Variants in FKBP15 observed in about 807,000 individuals in gnomAD.
FKBP15 encodes FKBP prolyl isomerase family member 15, also known as FK506-binding protein 15.
A neutral mutation model predicts 158.1 loss-of-function variants in FKBP15; 106 were observed. The observed-to-expected ratio is 0.67, with a 90% CI of 0.57 to 0.79. The LOEUF (loss-of-function observed/expected upper bound fraction) is 0.79, where lower values mean the gene tolerates loss of function less well. FKBP15 is among the 30% of genes least tolerant of loss of function. FKBP15 has a pLI of 0.00. For synonymous variants in FKBP15, 547 were observed against 548.6 expected, an observed-to-expected ratio of 1.00 and a Z score of 0.04; for missense variants, 1,287 against 1,479.1, an observed-to-expected ratio of 0.87 and a Z score of 2.13.
At chr9:113,206,657 AGTGGG>A in intron 3 of FKBP15, 79 bp from the exon 4 acceptor site, 2 of 771,352 alleles carry the variant, frequency 2.6e-6, no homozygotes, top group Non-Finnish European at 3.9e-6. Flanking sequence ...GTCATACAGA[AGTGGG>A]AACAACAGTC....
At chr9:113,214,882 A>G (rs1277390402) in intron 1 of FKBP15, among the ~76,000 whole-genome samples, 1 of 152,226 alleles carries the variant, frequency 6.6e-6, no homozygotes, top group Non-Finnish European at 1.5e-5. Context: ...TGCTATGAAG[A>G]CGGCTTCTTT....
chr9:113,182,939 C>A, intron 18 of FKBP15, 71 bp from the exon 19 acceptor site: 1 of 1,216,028 alleles, frequency 8.2e-7, no homozygotes, highest in African/African-American at 1.5e-5. Flanking sequence ...ACCCAATGCC[C>A]ATTCTGTCCT....
chr9:113,164,235 C>T lies in FKBP15; in HGVS notation c.*1843G>A, dbSNP rs1330228619. On this transcript the variant is annotated 3_prime_UTR_variant, in exon 28 of 28. Transcript: ENST00000238256. ...TGGGGCTAATAGAACTGGTAGTACT[C>T]TTTATAAGCCTGTCTGAGGACAGAG... is the stretch of plus-strand genomic sequence containing the variant. The T allele has an allele frequency of 2.0e-5, 3 of 152,126 alleles. No individual in the cohort carries two copies. The highest frequency in any genetic ancestry group is 4.4e-5 in the Non-Finnish European group (3 of 68,016). The allele number at this position is 152,126 out of a possible 1,614,324, so 9.4% of individuals were successfully genotyped here.
intron 23 of FKBP15, among the ~76,000 whole-genome samples, chr9:113,172,878 C>T (rs2118867568): frequency 6.6e-6 from 1 of 152,216 alleles, no homozygotes; most frequent in South Asian, 2.1e-4. Flanking sequence ...TAAGCCATGT[C>T]CCATCTCTCT....
rs1830055871 is a variant in FKBP15, at chr9:113,163,808, G to C, written c.*2270C>G. 6.6e-6 allele frequency: 1 copy of C among 152,536 alleles called. No individual in the cohort carries two copies. Among genetic ancestry groups the C allele is most frequent in the African/African-American group, 2.4e-5 (1 of 41,406 alleles). 9.4% of individuals were successfully genotyped at this position (152,536 alleles called of 1,614,324 possible). ...TTTCTTCTATGCAGAACAAAAAGCT[G>C]CATCTAATAATGTTCAATACTTAAT... On this transcript the variant is annotated 3_prime_UTR_variant, in exon 28 of 28. Coordinates refer to ENST00000238256, the MANE Select transcript of FKBP15 (RefSeq NM_015258.2).
In FKBP15 at chr9:113,162,014, C is replaced by T; in HGVS notation, c.*4064G>A. The T allele has an allele frequency of 4.5e-6, 2 of 439,824 alleles. No homozygotes were observed. The highest frequency in any genetic ancestry group is 4.1e-5 in the South Asian group (2 of 49,170). The allele number at this position is 439,824 out of a possible 1,614,324, so 27.2% of individuals were successfully genotyped here. A position where few individuals can be genotyped will look rare whatever the true frequency, so the allele number is the denominator to read the frequency against. On this transcript the variant is annotated 3_prime_UTR_variant, in exon 28 of 28. Transcript: ENST00000238256. ...ACCCTCCCCCAAATCTCACCAGTTC[C>T]ATGGGTCACTAGGCTCCCATATCCA...
intron 9 of FKBP15, among the ~76,000 whole-genome samples, chr9:113,194,807 G>A (rs940966641): frequency 1.8e-4 from 28 of 152,240 alleles, no homozygotes; most frequent in South Asian, 1.2e-3. Context: ...TCACTGTTAT[G>A]ATCTATAGGA....
intron 27 of FKBP15, among the ~76,000 whole-genome samples, chr9:113,166,392 C>T (rs140041052): frequency 6.6e-6 from 1 of 152,204 alleles, no homozygotes; most frequent in Non-Finnish European, 1.5e-5. Flanking sequence ...TTTGGCTAAT[C>T]TCATCATTTA....
In FKBP15 at chr9:113,184,184, G is replaced by A. The variant is rs140819689; in HGVS notation, c.1716+108C>T. Reference sequence around the variant, plus strand: ...CTAGAATTGTCTAACCCAGTGTAGCGTTTATCACAGGCTATTTCTGGGGTG... The same window carrying A: ...CTAGAATTGTCTAACCCAGTGTAGCATTTATCACAGGCTATTTCTGGGGTG... On this transcript the variant is annotated intron_variant, in intron 17 of 27. Transcript: ENST00000238256. The surrounding 1 kb of genome is among the most constrained non-coding windows in gnomAD (Gnocchi z 4.5). 5.8e-5 allele frequency: 43 copies of A among 739,356 alleles called. No individual in the cohort carries two copies. Among genetic ancestry groups the A allele is most frequent in the East Asian group, 3.0e-4 (11 of 36,974 alleles). 45.8% of individuals were successfully genotyped at this position (739,356 alleles called of 1,614,324 possible). A position where few individuals can be genotyped will look rare whatever the true frequency, so the allele number is the denominator to read the frequency against.
intron 4 of FKBP15, among the ~76,000 whole-genome samples, chr9:113,203,435 C>T (rs1830830649): frequency 6.6e-6 from 1 of 152,162 alleles, no homozygotes; most frequent in Non-Finnish European, 1.5e-5. Flanking sequence ...AGAGCATTTC[C>T]CACACCACAG....
intron 11 of FKBP15, 43 bp from the exon 12 acceptor site, chr9:113,190,621 T>C (rs1830558802): frequency 7.0e-7 from 1 of 1,435,668 alleles, no homozygotes; most frequent in Non-Finnish European, 9.7e-7. Flanking sequence ...TGATTAAAGC[T>C]CATCACCTTC....
At chr9:113,200,736 G>T (rs4490910) in intron 6 of FKBP15, among the ~76,000 whole-genome samples, 34,799 of 151,926 alleles carry the variant, frequency 0.23, 4,725 homozygotes, top group African/African-American at 0.36. Context: ...AGGAACTTGC[G>T]GCTCATTTTC....
chr9:113,169,593 C>T lies in FKBP15; in HGVS notation c.3116G>A (p.Gly1039Glu). ...LSCIPSHRVLGPPTSIPPEPL... is the reference protein window; with the variant it reads ...LSCIPSHRVLEPPTSIPPEPL... ...CTCAGGTGGAATTGAAGTCGGGGGC[C>T]CTAGAACTCTGTGGGATGGGATGCA... Residue 1039 changes from glycine to glutamate, a missense_variant, in exon 26 of 28, where the codon GGG (glycine) becomes GAG (glutamate). Physicochemically the swap from Gly to Glu is moderately conservative, Grantham distance 98. Transcript: ENST00000238256. 6.2e-7 allele frequency: 1 copy of T among 1,614,004 alleles called. No homozygotes were observed. Among genetic ancestry groups the T allele is most frequent in the Non-Finnish European group, 8.5e-7 (1 of 1,179,892 alleles).
chr9:113,219,815 T>G (rs1831212806), intron 1 of FKBP15, among the ~76,000 whole-genome samples: 1 of 151,752 alleles, frequency 6.6e-6, no homozygotes, highest in Admixed American at 6.6e-5. Flanking sequence ...GAATTTAAAG[T>G]GGAATAGGGA....
At chr9:113,176,460 AC>A (rs757109868) in intron 21 of FKBP15, 76 bp downstream of exon 21, 152 of 1,421,856 alleles carry the variant, frequency 1.1e-4, no homozygotes, top group Non-Finnish European at 1.4e-4. Flanking sequence ...ATAAGCACAT[AC>A]TATTGTAATT....
At position 113,161,682 on chromosome 9, in the gene FKBP15, G is replaced by A; in HGVS notation, c.*4396C>T. ...TGCAGGCTCAGATTCATTCCCTGTT[G>A]GCAGAACCCACCACAGGTACAGGCA... On this transcript the variant is annotated 3_prime_UTR_variant, in exon 28 of 28. Coordinates refer to ENST00000238256, the MANE Select transcript of FKBP15 (RefSeq NM_015258.2). 2.5e-6 allele frequency: 4 copies of A among 1,613,962 alleles called. No homozygotes were observed. Among genetic ancestry groups the A allele is most frequent in the Non-Finnish European group, 3.4e-6 (4 of 1,179,884 alleles).
Position 113,169,512 on chromosome 9 carries a change from G to A in FKBP15, c.3197C>T (p.Pro1066Leu). ...TGGGTTGTCGGGCTTAGCTGCCATT[G>A]GGCTGGCAGCAAGTGACTCCTCACA... Reference protein sequence around the residue: ...SECEESLAASPMAAKPDNPSG... With the variant: ...SECEESLAASLMAAKPDNPSG... Residue 1066 changes from proline (P) to leucine (L), a missense_variant, in exon 26 of 28, where the codon CCA becomes CTA. By Grantham distance (98) the Pro-to-Leu change is moderately conservative. Coordinates refer to ENST00000238256, the MANE Select transcript of FKBP15 (RefSeq NM_015258.2). 6.2e-7 allele frequency: 1 copy of A among 1,614,004 alleles called. No individual in the cohort carries two copies. Among genetic ancestry groups the A allele is most frequent in the Non-Finnish European group, 8.5e-7 (1 of 1,179,892 alleles).
rs774531533 is a variant in FKBP15, at chr9:113,188,472, C to T, written c.1193G>A (p.Gly398Glu). The T allele has an allele frequency of 1.2e-6, 2 of 1,613,876 alleles. No individual in the cohort carries two copies. The highest frequency in any genetic ancestry group is 1.7e-6 in the Non-Finnish European group (2 of 1,179,842). The change falls in exon 13 of 28, where the codon GGA (glycine) becomes GAA (glutamate). Residue 398 changes from glycine (G) to glutamate (E), a missense_variant. Coordinates refer to ENST00000238256, the MANE Select transcript of FKBP15 (RefSeq NM_015258.2). Reference protein sequence around the residue: ...SEIEDVNTLQGGGQPVVTPSV... With the variant: ...SEIEDVNTLQEGGQPVVTPSV... The stretch of plus-strand genomic sequence containing the variant: ...CGGAGTCACCACAGGCTGCCCACCT[C>T]CTTGCAGAGTGTTCACATCCTGAAA...
rs1472196596 is a variant in FKBP15 at position 113,162,730 on chromosome 9, G to T, written c.*3348C>A. On this transcript the variant is annotated 3_prime_UTR_variant, in exon 28 of 28. Transcript: ENST00000238256. ...ACCAGCTCATTACCAGGATTAACTT[G>T]CTTCTCCTTTTTATCTAGGTGGTAT... is the stretch of plus-strand genomic sequence containing the variant. 1 of 1,602,288 alleles carries T rather than the reference G, an allele frequency of 6.2e-7. No homozygotes were observed. Among genetic ancestry groups the T allele is most frequent in the South Asian group, 1.1e-5 (1 of 89,662 alleles).
Sources: gnomAD v4.1 joint callset for allele counts (sites outside exome capture counted in the v4.1 genomes callset) on GRCh38, gnomAD v4.1.1 for gene constraint, Gnocchi (gnomAD v3.1) non-coding constraint, MANE v1.5 for transcripts, NCBI Gene and HGNC (gene_info 2026-07-23, HGNC 2026-07-21) for gene names.